The following PDE3A variants were observed in gnomAD, a reference collection of about 807,000 sequenced individuals.
PDE3A encodes cGMP-inhibited 3',5'-cyclic phosphodiesterase 3A.
In PDE3A, 43 loss-of-function variants were observed where a neutral mutation model predicts 98.3. The observed-to-expected ratio is 0.44, with a 90% CI of 0.34 to 0.56. The LOEUF (loss-of-function observed/expected upper bound fraction) is 0.56. PDE3A is among the 20% of genes least tolerant of loss of function. The probability of loss-of-function intolerance (pLI) is 0.01; values close to 1 mark genes in which losing one functional copy is unlikely to be tolerated. For missense variants in PDE3A, 1,427 were observed against 1,440.7 expected, an observed-to-expected ratio of 0.99 and a Z score of 0.15; for synonymous variants, 663 against 567.9, an observed-to-expected ratio of 1.17 and a Z score of -2.38.
Position 20,682,226 on chromosome 12 carries a change from T to C in PDE3A, c.*1955T>C, listed in dbSNP as rs1945806207. 1 of 152,192 alleles carries C rather than the reference T, an allele frequency of 6.6e-6. No individual in the cohort carries two copies. The highest frequency in any genetic ancestry group is 1.5e-5 in the Non-Finnish European group (1 of 68,032). 9.4% of individuals were successfully genotyped at this position (152,192 alleles called of 1,614,324 possible). ...TGGTGTCCATTTCTTTCCAACACTG[T>C]TTGTTATGATTCTTCCTTGAGTACT... On this transcript the variant is annotated 3_prime_UTR_variant, in exon 16 of 16. Transcript: ENST00000359062.
At chr12:20,590,502 T>C (rs1943311540) in intron 2 of PDE3A, among the ~76,000 whole-genome samples, 1 of 150,830 alleles carries the variant, frequency 6.6e-6, no homozygotes, top group Admixed American at 6.6e-5. Flanking sequence ...AAGCTGGGTG[T>C]GGTGGCTCAC....
At chr12:20,572,066 A>G in intron 2 of PDE3A, 2 of 1,196,430 alleles carry the variant, frequency 1.7e-6, no homozygotes, top group Non-Finnish European at 2.1e-6. Flanking sequence ...ATGTTTTTAA[A>G]AAAATGAGAA....
chr12:20,401,574 G>T (rs1012072616), intron 1 of PDE3A, among the ~76,000 whole-genome samples: 1 of 152,002 alleles, frequency 6.6e-6, no homozygotes, highest in African/African-American at 2.4e-5. Context: ...ATTGCCCTCT[G>T]CCCCTAATTC....
chr12:20,373,373 TG>T (rs1229662877), intron 1 of PDE3A, among the ~76,000 whole-genome samples: 1 of 152,082 alleles, frequency 6.6e-6, no homozygotes, highest in Admixed American at 6.6e-5. Flanking sequence ...GCCCGAAACA[TG>T]GGAATATACA....
intron 2 of PDE3A, among the ~76,000 whole-genome samples, chr12:20,612,911 A>G (rs1943905662): frequency 6.6e-6 from 1 of 151,958 alleles, no homozygotes; most frequent in Non-Finnish European, 1.5e-5. Flanking sequence ...GAAGAGAGAC[A>G]GATTGTGAAC....
chr12:20,552,889 G>T lies in PDE3A; in HGVS notation c.961-3771G>T. ...GGACTGCCTGGACAGATCCTTTCGGGCACAGGTGTTCAGCTGCCCTGCCTG... is the reference window on the plus strand; with the variant it reads ...GGACTGCCTGGACAGATCCTTTCGGTCACAGGTGTTCAGCTGCCCTGCCTG... On this transcript the variant is annotated intron_variant, in intron 1 of 15. Coordinates refer to ENST00000359062, the MANE Select transcript of PDE3A (RefSeq NM_000921.5). This position sits in a 1 kb window ranked among gnomAD's most constrained non-coding sequence, Gnocchi z 5.1. The T allele has an allele frequency of 6.2e-7, 1 of 1,611,788 alleles. No individual in the cohort carries two copies. Among genetic ancestry groups the T allele is most frequent in the Non-Finnish European group, 8.5e-7 (1 of 1,178,890 alleles).
intron 14 of PDE3A, among the ~76,000 whole-genome samples, chr12:20,652,146 A>G (rs1944933741): frequency 4.6e-5 from 7 of 152,034 alleles, no homozygotes; most frequent in African/African-American, 1.4e-4. Flanking sequence ...TATGTGCCAC[A>G]TTTTCTTAAT....
At chr12:20,472,954 A>T (rs1410156775) in intron 1 of PDE3A, among the ~76,000 whole-genome samples, 1 of 152,162 alleles carries the variant, frequency 6.6e-6, no homozygotes, top group Non-Finnish European at 1.5e-5. Context: ...GTTTGAATTA[A>T]CATATTGTAA....
At chr12:20,407,933 A>G (rs1414103317) in intron 1 of PDE3A, among the ~76,000 whole-genome samples, 4 of 151,790 alleles carry the variant, frequency 2.6e-5, no homozygotes, top group Admixed American at 2.0e-4. Context: ...TTATTTATTT[A>G]TTTTGAGACT....
At chr12:20,443,361 G>A (rs373451674) in intron 1 of PDE3A, among the ~76,000 whole-genome samples, 1 of 152,164 alleles carries the variant, frequency 6.6e-6, no homozygotes, top group African/African-American at 2.4e-5. Context: ...ATACGTAAGG[G>A]GATATGGCTG....
chr12:20,498,777 A>G (rs559465195), intron 1 of PDE3A, among the ~76,000 whole-genome samples: 44 of 152,078 alleles, frequency 2.9e-4, no homozygotes, highest in African/African-American at 9.9e-4. Context: ...AAAATTGAAC[A>G]TTTTTTCACA....
chr12:20,508,309 G>C (rs1295257323), intron 1 of PDE3A, among the ~76,000 whole-genome samples: 1 of 151,536 alleles, frequency 6.6e-6, no homozygotes, highest in Non-Finnish European at 1.5e-5. Flanking sequence ...CATAATACCA[G>C]CCCTCTTTAT....
chr12:20,649,163 C>G (rs1944858212), intron 13 of PDE3A, among the ~76,000 whole-genome samples: 2 of 151,906 alleles, frequency 1.3e-5, no homozygotes, highest in South Asian at 2.1e-4. Flanking sequence ...AAACTCCTGA[C>G]CTCATGATCC....
chr12:20,610,841 C>T (rs1943830301), intron 2 of PDE3A, among the ~76,000 whole-genome samples: 1 of 151,556 alleles, frequency 6.6e-6, no homozygotes, highest in African/African-American at 2.4e-5. Flanking sequence ...TAAAAAAGGT[C>T]GAATATTCAG....
Position 20,635,644 on chromosome 12 carries a change from C to CTGG in PDE3A, c.2001+589_2001+591dup, listed in dbSNP as rs1308292376. On this transcript the variant is annotated intron_variant, in intron 8 of 15. Coordinates refer to ENST00000359062, the MANE Select transcript of PDE3A (RefSeq NM_000921.5). ...GGCAGGTGCCTGTAATCCCAGCTACCTGGGAGGCTGAGGGAGGAGAATCAC... is the reference window on the plus strand; with the variant it reads ...GGCAGGTGCCTGTAATCCCAGCTACCTGGTGGGAGGCTGAGGGAGGAGAATCAC... 7.5e-4 allele frequency among the ~76,000 whole-genome samples: 112 copies of CTGG among 149,298 alleles called. 4 individuals carry two copies. Among genetic ancestry groups the CTGG allele is most frequent in the Non-Finnish European group, 1.8e-4 (12 of 67,426 alleles).
intron 1 of PDE3A, among the ~76,000 whole-genome samples, chr12:20,394,278 G>C (rs1390756470): frequency 6.6e-6 from 1 of 151,912 alleles, no homozygotes; most frequent in Non-Finnish European, 1.5e-5. Context: ...AGAAAGTTAG[G>C]TTTCATTTTT....
At chr12:20,527,005 G>T (rs1015086757) in intron 1 of PDE3A, among the ~76,000 whole-genome samples, 3 of 149,928 alleles carry the variant, frequency 2.0e-5, no homozygotes, top group African/African-American at 7.4e-5. Context: ...TGCAACCTCC[G>T]CCTCCCAGGT....
intron 1 of PDE3A, among the ~76,000 whole-genome samples, chr12:20,542,436 T>TAC (rs57427303): frequency 2.7e-3 from 410 of 149,928 alleles, no homozygotes; most frequent in African/African-American, 8.5e-3. Context: ...CGTAACAGCA[T>TAC]ACACACACAC....
chr12:20,591,811 A>G (rs1943345295), intron 2 of PDE3A, among the ~76,000 whole-genome samples: 2 of 152,192 alleles, frequency 1.3e-5, no homozygotes, highest in Non-Finnish European at 2.9e-5. Flanking sequence ...TTTTCTTGAG[A>G]ACTGTCATAG....
Sources: gnomAD v4.1 joint callset for allele counts (sites outside exome capture counted in the v4.1 genomes callset) on GRCh38, gnomAD v4.1.1 for gene constraint, Gnocchi (gnomAD v3.1) non-coding constraint, MANE v1.5 for transcripts, NCBI Gene and HGNC (gene_info 2026-07-23, HGNC 2026-07-21) for gene names.